Variants in FHIP1B observed in about 807,000 individuals in gnomAD.
The protein encoded by FHIP1B is FHF complex subunit HOOK-interacting protein 1B.
In FHIP1B, 28 loss-of-function variants were observed where a neutral mutation model predicts 82.2. That is an observed-to-expected ratio of 0.34 (90% CI 0.25 to 0.47). FHIP1B has a LOEUF of 0.47. Among genes scored for constraint, FHIP1B ranks in the 20% least tolerant of loss-of-function variants. The pLI is 1.00. For missense variants in FHIP1B, 1,110 were observed against 1,262.6 expected (o/e 0.88, Z 1.83); for synonymous variants, 585 against 516.1 (o/e 1.13, Z -1.81).
chr11:6,223,777 G>A lies in FHIP1B; in HGVS notation c.610C>T (p.Pro204Ser). ...LEFFLQPPPE[P>S]GAAPRLLLFS... ...AGAAGAAGACGGGGAGCGGCTCCAG[G>A]CTCAGGAGGTGGCTGCAGGAAGAAC... Residue 204 changes from proline to serine, a missense_variant, in exon 3 of 12, where the codon CCT (proline) becomes TCT (serine). This residue lies in a region of FHIP1B where 467 missense variants were observed against 602.9 expected (regional missense o/e 0.77). Coordinates refer to ENST00000449352, the MANE Select transcript of FHIP1B (RefSeq NM_001098794.2). This position sits in a 1 kb window ranked among gnomAD's most constrained non-coding sequence, Gnocchi z 4.8. 1.9e-6 allele frequency: 3 copies of A among 1,614,200 alleles called. No individual in the cohort carries two copies. The highest frequency in any genetic ancestry group is 2.2e-5 in the East Asian group (1 of 44,880).
chr11:6,213,160 T>C (rs183183639), intron 11 of FHIP1B, among the ~76,000 whole-genome samples: 136 of 152,330 alleles, frequency 8.9e-4, no homozygotes, highest in Non-Finnish European at 1.5e-3. Flanking sequence ...TACTAGACCA[T>C]GAAGAAACCA....
intron 11 of FHIP1B, 175 bp from the exon 12 acceptor site, chr11:6,212,042 T>C (rs755484998): frequency 1.5e-4 from 128 of 845,732 alleles, no homozygotes; most frequent in Non-Finnish European, 1.8e-4. Flanking sequence ...TCCTGTCCCA[T>C]CCCTGAAGTT....
At chr11:6,228,457 T>C (rs1297422530) in intron 1 of FHIP1B, among the ~76,000 whole-genome samples, 1 of 152,088 alleles carries the variant, frequency 6.6e-6, no homozygotes, top group Non-Finnish European at 1.5e-5. Context: ...GTCTGTCAAG[T>C]GAGAGCAGTA....
rs191136987 is a variant in FHIP1B at position 6,218,353 on chromosome 11, A to G, written c.1436-203T>C. On this transcript the variant is annotated intron_variant, in intron 8 of 11. Transcript: ENST00000449352. ...ACCATCACCACTGAAGACACAATGG[A>G]AACAGGAAGAGTACACGACTAGAGA... 9.9e-5 allele frequency among the ~76,000 whole-genome samples: 15 copies of G among 152,244 alleles called. No homozygotes were observed. The East Asian group carries it at 2.7e-3, about 28-fold the overall frequency.
At chr11:6,234,356 TCTCACAGCCC>T (rs1306574853) in intron 1 of FHIP1B, among the ~76,000 whole-genome samples, 178 bp downstream of exon 1, 1 of 151,920 alleles carries the variant, frequency 6.6e-6, no homozygotes, top group African/African-American at 2.4e-5. Context: ...GCACCCAGCC[TCTCACAGCCC>T]CTCATTTGTC....
intron 6 of FHIP1B, 32 bp downstream of exon 6, chr11:6,222,410 C>G: frequency 6.2e-7 from 1 of 1,610,322 alleles, no homozygotes; most frequent in Non-Finnish European, 8.5e-7. Context: ...ATGGGTCATC[C>G]AGGTAAGCTA....
chr11:6,232,445 T>C (rs572160821), intron 1 of FHIP1B, among the ~76,000 whole-genome samples: 1 of 152,308 alleles, frequency 6.6e-6, no homozygotes, highest in African/African-American at 2.4e-5. Context: ...ATAGAACAAT[T>C]ACAAATCATT....
At chr11:6,230,507 A>G (rs1345876578) in intron 1 of FHIP1B, among the ~76,000 whole-genome samples, 1 of 152,234 alleles carries the variant, frequency 6.6e-6, no homozygotes, top group East Asian at 1.9e-4. Flanking sequence ...CTCAGCTTAC[A>G]CATTTCTTCC....
At chr11:6,219,097 C>T in intron 6 of FHIP1B, 47 bp from the exon 7 acceptor site, 1 of 1,471,264 alleles carries the variant, frequency 6.8e-7, no homozygotes, top group Non-Finnish European at 9.4e-7. Context: ...GAGCTCTCTG[C>T]CCTCCAAGCC....
intron 1 of FHIP1B, among the ~76,000 whole-genome samples, chr11:6,229,199 C>T (rs1564870745): frequency 6.6e-6 from 1 of 152,216 alleles, no homozygotes; most frequent in Non-Finnish European, 1.5e-5. Flanking sequence ...AGTCTGAACT[C>T]TGGAGTCCCT....
Position 6,217,526 on chromosome 11 carries a change from T to C in FHIP1B, c.2060A>G (p.Asn687Ser). ...ELRELEVALS[N>S]GGTGSESPLE... ...GGGGGACTCTGAGCCAGTTCCCCCA[T>C]TGCTCAATGCCACCTCTAGCTCCCG... The change falls in exon 9 of 12, where the codon AAT (asparagine) becomes AGT (serine). Residue 687 changes from asparagine to serine, a missense_variant. Physicochemically the swap from Asn to Ser is conservative, Grantham distance 46. Around this residue, in one of 6 missense-constraint regions of FHIP1B, gnomAD observed 418 missense variants for 371.4 expected, o/e 1.13. Transcript: ENST00000449352. The C allele has an allele frequency of 6.2e-7, 1 of 1,611,292 alleles. No individual in the cohort carries two copies. The highest frequency in any genetic ancestry group is 2.2e-5 in the East Asian group (1 of 44,816).
chr11:6,211,496 T>C lies in FHIP1B; in HGVS notation c.*10A>G. ...GGCCACCCATGGCCCTGATTGTCCA[T>C]GGAAGAAAGTTAAGGATTGAGGGGC... is the stretch of plus-strand genomic sequence containing the variant. On this transcript the variant is annotated 3_prime_UTR_variant, in exon 12 of 12. Coordinates refer to ENST00000449352, the MANE Select transcript of FHIP1B (RefSeq NM_001098794.2). 6.4e-7 allele frequency: 1 copy of C among 1,568,998 alleles called. No individual in the cohort carries two copies.
rs1367104414 is a variant in FHIP1B at position 6,223,734 on chromosome 11, G to C, written c.653C>G (p.Pro218Arg). The C allele has an allele frequency of 1.9e-6, 3 of 1,614,242 alleles. No individual in the cohort carries two copies. The highest frequency in any genetic ancestry group is 2.5e-6 in the Non-Finnish European group (3 of 1,180,038). ...CAGGGTGCCCTCTCGATGCACAAAA[G>C]GGACAAGGCGAGAAAAGAGAAGAAG... ...PRLLLFSRLVPFVHREGTLGQ... is the reference protein window; with the variant it reads ...PRLLLFSRLVRFVHREGTLGQ... Residue 218 changes from proline (P) to arginine (R), a missense_variant, in exon 3 of 12, where the codon CCT (proline) becomes CGT (arginine). Around this residue, in one of 6 missense-constraint regions of FHIP1B, gnomAD observed 467 missense variants for 602.9 expected, o/e 0.77. Transcript: ENST00000449352. This position sits in a 1 kb window ranked among gnomAD's most constrained non-coding sequence, Gnocchi z 4.8.
At chr11:6,229,695 C>G (rs1847648522) in intron 1 of FHIP1B, among the ~76,000 whole-genome samples, 2 of 152,098 alleles carry the variant, frequency 1.3e-5, no homozygotes, top group South Asian at 4.1e-4. Flanking sequence ...CTCATGGAAC[C>G]AAGGAAGATT....
In FHIP1B at chr11:6,211,839, C is replaced by T. The variant is rs757956077; in HGVS notation, c.2586G>A (p.Glu862=). The change falls in exon 12 of 12, where the codon GAG becomes GAA. Residue 862 remains glutamate (E), a synonymous_variant. Transcript: ENST00000449352. ...GACTGTGTGCATGCCGCAGGAGTAA[C>T]TCCCCCAAGGATGGCCTCCGGCTCT... ...LVKSRRPSLG[E]LLLRHAHSPT... The T allele has an allele frequency of 6.3e-7, 1 of 1,589,426 alleles. No homozygotes were observed.
At chr11:6,229,809 G>A (rs947782421) in intron 1 of FHIP1B, among the ~76,000 whole-genome samples, 2 of 152,092 alleles carry the variant, frequency 1.3e-5, no homozygotes, top group African/African-American at 2.4e-5. Flanking sequence ...GATTCCAAAA[G>A]CCAATACTTA....
At chr11:6,228,876 G>A (rs539976058) in intron 1 of FHIP1B, among the ~76,000 whole-genome samples, 1 of 152,304 alleles carries the variant, frequency 6.6e-6, no homozygotes, top group East Asian at 1.9e-4. Context: ...AATTAGGCAT[G>A]GACTGGAAAA....
At chr11:6,219,360 T>C (rs1209450378) in intron 6 of FHIP1B, among the ~76,000 whole-genome samples, 3 of 152,174 alleles carry the variant, frequency 2.0e-5, no homozygotes, top group African/African-American at 7.2e-5. Context: ...CGAAAATCCA[T>C]GAGAAGAGAC....
intron 1 of FHIP1B, among the ~76,000 whole-genome samples, chr11:6,230,302 T>C (rs1847665761): frequency 6.6e-6 from 1 of 152,208 alleles, no homozygotes; most frequent in South Asian, 2.1e-4. Context: ...CAAGAACAGG[T>C]CAGTAAAATT....
Sources: allele counts gnomAD v4.1 joint callset (sites outside exome capture counted in the v4.1 genomes callset), GRCh38; gene constraint gnomAD v4.1.1; regional missense constraint gnomAD v4.1.1; non-coding constraint Gnocchi (gnomAD v3.1); transcripts MANE v1.5; gene names NCBI Gene and HGNC (gene_info 2026-07-23, HGNC 2026-07-21).